Variants in LMAN1L observed in about 807,000 individuals in gnomAD.
The protein encoded by LMAN1L is lectin, mannose binding 1 like.
LMAN1L carries 60 observed loss-of-function variants against 58.3 expected under a neutral mutation model. The observed-to-expected ratio is 1.03, with a 90% CI of 0.84 to 1.27. The LOEUF (loss-of-function observed/expected upper bound fraction) is 1.27, where lower values mean the gene tolerates loss of function less well. Ranked by LOEUF, LMAN1L falls within the 50% of genes most tolerant of loss-of-function variation. The pLI, the probability that LMAN1L is intolerant of heterozygous loss-of-function variation, is 0.00. For missense variants in LMAN1L, 629 were observed against 674.0 expected, an observed-to-expected ratio of 0.93 and a Z score of 0.74; for synonymous variants, 280 against 271.6, an observed-to-expected ratio of 1.03 and a Z score of -0.31.
At position 74,824,371 on chromosome 15, in the gene LMAN1L, C is replaced by G. The variant is rs777026844; in HGVS notation, c.1344C>G (p.Pro448=). The G allele has an allele frequency of 3.1e-6, 5 of 1,613,838 alleles. No individual in the cohort carries two copies. The highest frequency in any genetic ancestry group is 4.2e-6 in the Non-Finnish European group (5 of 1,179,894). Residue 448 remains proline (P), a synonymous_variant, in exon 13 of 14, where the codon CCC becomes CCG. Coordinates refer to ENST00000309664, the MANE Select transcript of LMAN1L (RefSeq NM_021819.3). ...TTCAGAAGGCAGCAGCCAAGGCCCC[C>G]CGCCCACCTGGCCAGCCCCCAAGGG... ...RGPAKAAAKA[P]RPPGQPPRAS...
Position 74,823,601 on chromosome 15 carries a change from C to T in LMAN1L, c.1242C>T (p.Tyr414=), listed in dbSNP as rs148488098. 6.4e-4 allele frequency: 1,037 copies of T among 1,613,990 alleles called. 1 individual carries two copies. The highest frequency in any genetic ancestry group is 8.3e-4 in the Middle Eastern group (5 of 6,058). The part of the protein sequence containing the change: ...VRMAAEAQVS[Y]LPVGIEHHFL... ...TGGCTGCAGAAGCCCAGGTCTCCTA[C>T]CTGCCTGTGGGCATTGAGCATCATT... Residue 414 remains tyrosine, a synonymous_variant, in exon 12 of 14, where the codon TAC becomes TAT. Transcript: ENST00000309664.
chr15:74,817,218 T>C (rs1313334150), intron 4 of LMAN1L, among the ~76,000 whole-genome samples: 1 of 152,212 alleles, frequency 6.6e-6, no homozygotes, highest in East Asian at 1.9e-4. Flanking sequence ...ATTAGAGTAA[T>C]TGCCTGCATT....
In LMAN1L at chr15:74,825,667, TCA is replaced by T; in HGVS notation, c.*63_*64del. 2 of 1,551,342 alleles carry T rather than the reference TCA, an allele frequency of 1.3e-6. No homozygotes were observed. The highest frequency in any genetic ancestry group is 1.8e-6 in the Non-Finnish European group (2 of 1,138,914). On this transcript the variant is annotated 3_prime_UTR_variant, in exon 14 of 14. Transcript: ENST00000309664. ...GGCAGTGTCTTGGGTGGGGGCTTGG[TCA>T]GTATCCTCTCCGTCTGGGTGCCCAG... is the stretch of plus-strand genomic sequence containing the variant.
intron 2 of LMAN1L, 34 bp from the exon 3 acceptor site, chr15:74,816,393 C>G (rs761878809): frequency 1.3e-6 from 2 of 1,583,474 alleles, no homozygotes; most frequent in South Asian, 1.1e-5. Flanking sequence ...GTATCCCACA[C>G]GGTTCCCTGA....
intron 12 of LMAN1L, 48 bp from the exon 13 acceptor site, chr15:74,824,303 C>T (rs1685637252): frequency 1.9e-6 from 3 of 1,588,080 alleles, no homozygotes; most frequent in Admixed American, 1.7e-5. Context: ...GTCCCCCACT[C>T]CTTCTGGGTA....
At chr15:74,814,592 T>C (rs2063882312) in intron 1 of LMAN1L, among the ~76,000 whole-genome samples, 2 of 152,054 alleles carry the variant, frequency 1.3e-5, no homozygotes, top group Admixed American at 6.6e-5. Context: ...CCAGGATGGT[T>C]TCGATCTCCT....
chr15:74,818,666 C>A, intron 4 of LMAN1L, 52 bp from the exon 5 acceptor site: 2 of 1,398,954 alleles, frequency 1.4e-6, no homozygotes, highest in Non-Finnish European at 2.0e-6. Context: ...TGCACTCCAG[C>A]CTGGGCAGCG....
intron 4 of LMAN1L, among the ~76,000 whole-genome samples, chr15:74,817,523 C>G (rs2063897259): frequency 6.6e-6 from 1 of 152,202 alleles, no homozygotes; most frequent in Admixed American, 6.5e-5. Context: ...TCCAGAGACA[C>G]TCAGCGTTTA....
chr15:74,816,769 C>T (rs2063893361), intron 4 of LMAN1L, 79 bp downstream of exon 4: 2 of 1,384,564 alleles, frequency 1.4e-6, no homozygotes, highest in South Asian at 1.3e-5. Context: ...GAGCCCCTGC[C>T]CCAGCCTCCT....
intron 6 of LMAN1L, chr15:74,819,555 G>A (rs2063907693): frequency 3.8e-6 from 2 of 524,140 alleles, no homozygotes; most frequent in East Asian, 2.9e-5. Flanking sequence ...GGAAAATGGA[G>A]CAAAGAAATG....
Position 74,818,775 on chromosome 15 carries a change from C to A in LMAN1L, c.555C>A (p.His185Gln), listed in dbSNP as rs774592107. 3 of 1,612,000 alleles carry A rather than the reference C, an allele frequency of 1.9e-6. No homozygotes were observed. The South Asian group carries it at 3.3e-5, about 18-fold the overall frequency. Residue 185 changes from histidine to glutamine, a missense_variant, in exon 5 of 14, where the codon CAC (histidine) becomes CAA (glutamine). Coordinates refer to ENST00000309664, the MANE Select transcript of LMAN1L (RefSeq NM_021819.3). ...ATTGGGACTTCCGGAACCGGCCACA[C>A]CCCTTCAGAGCACGGATCACCTACT... is the stretch of plus-strand genomic sequence containing the variant. ...SCHWDFRNRP[H>Q]PFRARITYWG...
At chr15:74,816,597 G>A in intron 3 of LMAN1L, 35 bp from the exon 4 acceptor site, 1 of 1,604,604 alleles carries the variant, frequency 6.2e-7, no homozygotes, top group Non-Finnish European at 8.5e-7. Flanking sequence ...CTCCCGCCAT[G>A]TCCGCGGCTC....
chr15:74,822,815 C>A, intron 11 of LMAN1L, 106 bp downstream of exon 11: 1 of 800,852 alleles, frequency 1.2e-6, no homozygotes, highest in Non-Finnish European at 2.1e-6. Context: ...AGCACACAGC[C>A]TGTCAATTGG....
chr15:74,823,189 C>G (rs2063924882), intron 11 of LMAN1L, among the ~76,000 whole-genome samples: 1 of 152,126 alleles, frequency 6.6e-6, no homozygotes, highest in Non-Finnish European at 1.5e-5. Flanking sequence ...GTGGAGGAGG[C>G]ATGCATCCCA....
rs142799524 is a variant in LMAN1L, at chr15:74,815,374, C to T, written c.176-783C>T. Among the ~76,000 whole-genome samples, 201 of 152,286 alleles carry T rather than the reference C, an allele frequency of 1.3e-3. 2 individuals are homozygous for T. The highest frequency in any genetic ancestry group is 6.8e-3 in the East Asian group (35 of 5,182). ...GGCTGGCAGGTTGGAGGGTGGGGAG[C>T]GAGCTCGAGTAGGGCCTCTGAGTTC... On this transcript the variant is annotated intron_variant, in intron 1 of 13. Coordinates refer to ENST00000309664, the MANE Select transcript of LMAN1L (RefSeq NM_021819.3).
intron 7 of LMAN1L, 116 bp downstream of exon 7, chr15:74,820,215 C>G: frequency 6.3e-6 from 6 of 953,256 alleles, no homozygotes; most frequent in Non-Finnish European, 1.0e-5. Flanking sequence ...CCTCTGAGCT[C>G]TGCTCAGGCC....
intron 12 of LMAN1L, 98 bp from the exon 13 acceptor site, chr15:74,824,252 TG>T: frequency 2.4e-6 from 3 of 1,224,990 alleles, no homozygotes; most frequent in Non-Finnish European, 1.2e-6. Flanking sequence ...GCCCCAAGCC[TG>T]GGGAAAGGAA....
chr15:74,825,449 A>G, intron 13 of LMAN1L, 27 bp from the exon 14 acceptor site: 1 of 1,595,130 alleles, frequency 6.3e-7, no homozygotes, highest in South Asian at 1.1e-5. Context: ...AGACGCAAGT[A>G]ACCTGTAACC....
intron 8 of LMAN1L, 100 bp downstream of exon 8, chr15:74,820,867 C>A: frequency 6.8e-7 from 1 of 1,481,322 alleles, no homozygotes; most frequent in Non-Finnish European, 9.1e-7. Context: ...AAACTGAGGC[C>A]TGAGGAGGCC....
Sources: allele counts gnomAD v4.1 joint callset (sites outside exome capture counted in the v4.1 genomes callset), GRCh38; gene constraint gnomAD v4.1.1; transcripts MANE v1.5; gene names NCBI Gene and HGNC (gene_info 2026-07-23, HGNC 2026-07-21).